The following RIC1 variants were observed in gnomAD, a reference collection of about 807,000 sequenced individuals.
The protein encoded by RIC1 is guanine nucleotide exchange factor subunit RIC1.
RIC1 carries 88 observed loss-of-function variants against 169.0 expected under a neutral mutation model. The observed-to-expected ratio is 0.52, with a 90% confidence interval of 0.44 to 0.62. The LOEUF is 0.62. RIC1 is among the 20% of genes least tolerant of loss of function. RIC1 has a pLI of 0.00. For missense variants in RIC1, 1,877 were observed against 1,725.5 expected, an observed-to-expected ratio of 1.09 and a Z score of -1.56; for synonymous variants, 790 against 601.5, an observed-to-expected ratio of 1.31 and a Z score of -4.59.
intron 2 of RIC1, among the ~76,000 whole-genome samples, chr9:5,681,064 G>C (rs1586935685): frequency 6.6e-6 from 1 of 151,494 alleles, no homozygotes; most frequent in African/African-American, 2.4e-5. Flanking sequence ...CTGACCTCGT[G>C]ATCCGCCCGC....
At chr9:5,680,550 T>G (rs921302086) in intron 2 of RIC1, among the ~76,000 whole-genome samples, 1 of 152,190 alleles carries the variant, frequency 6.6e-6, no homozygotes, top group South Asian at 2.1e-4. Flanking sequence ...AGATTCTGCT[T>G]CTTCCTGGTT....
intron 3 of RIC1, among the ~76,000 whole-genome samples, chr9:5,711,719 TC>T (rs1822938020): frequency 6.6e-6 from 1 of 152,138 alleles, no homozygotes; most frequent in Non-Finnish European, 1.5e-5. Context: ...ATGCTATCCC[TC>T]CCTGCTGCCC....
At chr9:5,633,280 C>G (rs1420226629) in intron 1 of RIC1, among the ~76,000 whole-genome samples, 1 of 152,020 alleles carries the variant, frequency 6.6e-6, no homozygotes, top group Non-Finnish European at 1.5e-5. Context: ...TTGTATTTTC[C>G]CAGCATTCCC....
chr9:5,757,506 G>T, intron 17 of RIC1, 55 bp downstream of exon 17: 4 of 1,579,200 alleles, frequency 2.5e-6, no homozygotes, highest in Non-Finnish European at 3.5e-6. Context: ...TTTAGTATTT[G>T]AGTCCATATT....
At chr9:5,746,124 G>T in intron 11 of RIC1, 41 bp downstream of exon 11, 1 of 1,542,294 alleles carries the variant, frequency 6.5e-7, no homozygotes, top group Non-Finnish European at 8.9e-7. Flanking sequence ...TGTCTTTTGT[G>T]TTAGAAGCTC....
At chr9:5,693,463 ACT>A (rs945102517) in intron 3 of RIC1, among the ~76,000 whole-genome samples, 1 of 152,042 alleles carries the variant, frequency 6.6e-6, no homozygotes, top group Non-Finnish European at 1.5e-5. Flanking sequence ...TTATTAAGTG[ACT>A]CTGTACCTCA....
In RIC1 at chr9:5,772,659, C is replaced by T; in HGVS notation, c.3712C>T (p.Leu1238Phe). Residue 1238 changes from leucine (L) to phenylalanine (F), a missense_variant, in exon 24 of 26, where the codon CTC becomes TTC. Around this residue, in one of 3 missense-constraint regions of RIC1, gnomAD observed 681 missense variants for 582.0 expected, o/e 1.17. Coordinates refer to ENST00000414202, the MANE Select transcript of RIC1 (RefSeq NM_020829.4). ...WTMVDENFST[L>F]SLTQSELEHI... ...AATGGTGGATGAAAATTTCTCTACA[C>T]TCAGTTTAACTCAGTCAGAGCTGGA... is the stretch of plus-strand genomic sequence containing the variant. The T allele has an allele frequency of 1.2e-6, 2 of 1,613,908 alleles. No homozygotes were observed. Among genetic ancestry groups the T allele is most frequent in the East Asian group, 2.2e-5 (1 of 44,858 alleles).
At chr9:5,694,157 C>G (rs1309766700) in intron 3 of RIC1, among the ~76,000 whole-genome samples, 3 of 152,180 alleles carry the variant, frequency 2.0e-5, no homozygotes, top group Non-Finnish European at 4.4e-5. Context: ...CAATTTTTAA[C>G]TTCAACACAA....
downstream of RIC1, chr9:5,776,592 C>T (rs1019687676): frequency 1.3e-5 from 2 of 151,912 alleles, no homozygotes; most frequent in Non-Finnish European, 2.9e-5. Context: ...TTAACAGCCA[C>T]GAAAATCATC....
At chr9:5,661,517 T>C (rs1219120088) in intron 2 of RIC1, among the ~76,000 whole-genome samples, 1 of 152,214 alleles carries the variant, frequency 6.6e-6, no homozygotes, top group South Asian at 2.1e-4. Flanking sequence ...GTTTGAAAGT[T>C]GGTTTGTAGT....
intron 3 of RIC1, among the ~76,000 whole-genome samples, chr9:5,710,398 C>T (rs748447184): frequency 7.9e-5 from 12 of 152,166 alleles, no homozygotes; most frequent in Admixed American, 7.2e-4. Context: ...TTCTGTCTTT[C>T]ACGCTTTGAT....
At position 5,763,280 on chromosome 9, in the gene RIC1, T is replaced by A; in HGVS notation, c.2253T>A (p.Pro751=). The A allele has an allele frequency of 6.2e-7, 1 of 1,614,142 alleles. No homozygotes were observed. Among genetic ancestry groups the A allele is most frequent in the South Asian group, 1.1e-5 (1 of 91,084 alleles). ...GTGCAGGGATGAAAGTTTGGCTCCC[T>A]CTCTTCCCTAGGGATCACCGCAAGC... is the stretch of plus-strand genomic sequence containing the variant. ...CGGAGMKVWL[P]LFPRDHRKPH... The change falls in exon 19 of 26, where the codon CCT becomes CCA. Residue 751 remains proline (P), a synonymous_variant. Transcript: ENST00000414202. The surrounding 1 kb of genome is among the most constrained non-coding windows in gnomAD (Gnocchi z 5.2).
chr9:5,705,366 T>G (rs970489617), intron 3 of RIC1, among the ~76,000 whole-genome samples: 1 of 152,158 alleles, frequency 6.6e-6, no homozygotes, highest in African/African-American at 2.4e-5. Context: ...CAACTCTTAC[T>G]CATCCTTGGG....
At chr9:5,680,589 G>C (rs1187131546) in intron 2 of RIC1, among the ~76,000 whole-genome samples, 1 of 152,102 alleles carries the variant, frequency 6.6e-6, no homozygotes, top group African/African-American at 2.4e-5. Context: ...GGGTGTATGT[G>C]TCCAGGAACT....
intron 1 of RIC1, among the ~76,000 whole-genome samples, chr9:5,633,704 C>T (rs535790281): frequency 2.0e-5 from 3 of 152,318 alleles, no homozygotes; most frequent in Admixed American, 6.5e-5. Context: ...CCATCTCACA[C>T]AGCTCCCTCT....
chr9:5,689,048 T>TTC (rs1380419185), intron 2 of RIC1, among the ~76,000 whole-genome samples: 1 of 129,252 alleles, frequency 7.7e-6, no homozygotes, highest in African/African-American at 2.8e-5. Context: ...CAATTTCTTT[T>TTC]TTTTTTTTTT....
intron 8 of RIC1, among the ~76,000 whole-genome samples, chr9:5,742,041 G>C (rs537203711): frequency 6.6e-6 from 1 of 152,072 alleles, no homozygotes; most frequent in African/African-American, 2.4e-5. Context: ...TCAGAGTGAG[G>C]GTTTGTGGCT....
chr9:5,640,091 G>A (rs1818166851), intron 1 of RIC1, among the ~76,000 whole-genome samples: 1 of 152,064 alleles, frequency 6.6e-6, no homozygotes, highest in African/African-American at 2.4e-5. Flanking sequence ...GATAAGTAGG[G>A]ACTTCTGCCA....
In RIC1 at chr9:5,707,804, C is replaced by A. The variant is rs372350746; in HGVS notation, c.333-6092C>A. Among the ~76,000 whole-genome samples the A allele has an allele frequency of 3.3e-5, 5 of 152,152 alleles. No individual in the cohort carries two copies. The South Asian group carries it at 1.0e-3, about 32-fold the overall frequency. On this transcript the variant is annotated intron_variant, in intron 3 of 25. Coordinates refer to ENST00000414202, the MANE Select transcript of RIC1 (RefSeq NM_020829.4). Reference sequence around the variant, plus strand: ...CTTGTAGACAGCTTATAAATGGACTCATTTGGTTTATTCGAATCCATTCTG... The same window carrying A: ...CTTGTAGACAGCTTATAAATGGACTAATTTGGTTTATTCGAATCCATTCTG...
Sources: allele counts gnomAD v4.1 joint callset (sites outside exome capture counted in the v4.1 genomes callset), GRCh38; gene constraint gnomAD v4.1.1; regional missense constraint gnomAD v4.1.1; non-coding constraint Gnocchi (gnomAD v3.1); transcripts MANE v1.5; gene names NCBI Gene and HGNC (gene_info 2026-07-23, HGNC 2026-07-21).